The following SLC35F4 variants were observed in gnomAD, a reference collection of about 807,000 sequenced individuals.
SLC35F4 encodes solute carrier family 35 member F4, also known as chromosome 14 open reading frame 36.
Under a neutral mutation model 44.2 loss-of-function variants are expected in SLC35F4, and 24 were observed. That is an observed-to-expected ratio of 0.54 (90% CI 0.39 to 0.76). The LOEUF is 0.76. SLC35F4 is among the 30% of genes least tolerant of loss of function. The pLI, the probability that SLC35F4 is intolerant of heterozygous loss-of-function variation, is 0.00. For synonymous variants in SLC35F4, 238 were observed against 223.6 expected, an observed-to-expected ratio of 1.06 and a Z score of -0.57; for missense variants, 562 against 586.1, an observed-to-expected ratio of 0.96 and a Z score of 0.42.
intron 1 of SLC35F4, among the ~76,000 whole-genome samples, chr14:57,843,342 T>C (rs1168125606): frequency 1.3e-5 from 2 of 152,168 alleles, no homozygotes; most frequent in South Asian, 4.1e-4. Flanking sequence ...CTGAATATTG[T>C]CATTCCAGAG....
intron 1 of SLC35F4, among the ~76,000 whole-genome samples, chr14:57,770,635 G>A (rs2077341135): frequency 2.0e-5 from 3 of 152,296 alleles, no homozygotes; most frequent in Admixed American, 6.5e-5. Flanking sequence ...ACCCTGAACT[G>A]TGAAGGAGGG....
chr14:57,690,437 G>A (rs909540819), intron 1 of SLC35F4, among the ~76,000 whole-genome samples: 1 of 151,986 alleles, frequency 6.6e-6, no homozygotes, highest in Admixed American at 6.6e-5. Flanking sequence ...AGCAGATTTT[G>A]AGATTTTCAT....
intron 1 of SLC35F4, among the ~76,000 whole-genome samples, chr14:57,727,009 TC>T (rs2076220259): frequency 6.6e-6 from 1 of 152,088 alleles, no homozygotes; most frequent in Admixed American, 6.6e-5. Context: ...AACATCGGAC[TC>T]CAAGTTCTTC....
At chr14:57,819,730 T>C (rs1251268414) in intron 1 of SLC35F4, among the ~76,000 whole-genome samples, 1 of 151,578 alleles carries the variant, frequency 6.6e-6, no homozygotes, top group Non-Finnish European at 1.5e-5. Flanking sequence ...GGAGAATTGT[T>C]TGAACCTGGG....
intron 1 of SLC35F4, among the ~76,000 whole-genome samples, chr14:57,789,013 T>A (rs901464131): frequency 9.2e-5 from 14 of 152,206 alleles, no homozygotes; most frequent in Non-Finnish European, 1.8e-4. Flanking sequence ...GCTAAAGCAG[T>A]GTTTAGAGGG....
intron 1 of SLC35F4, among the ~76,000 whole-genome samples, chr14:57,693,339 C>T (rs1334971564): frequency 6.6e-6 from 1 of 152,210 alleles, no homozygotes; most frequent in Middle Eastern, 3.2e-3. Flanking sequence ...TGGCCATATA[C>T]AAAATCTCTA....
intron 1 of SLC35F4, among the ~76,000 whole-genome samples, chr14:57,678,457 TTAAC>T (rs2074774641): frequency 6.6e-6 from 1 of 151,914 alleles, no homozygotes; most frequent in African/African-American, 2.4e-5. Context: ...AGAAAATGCA[TTAAC>T]TAACAAGCAA....
At chr14:57,780,160 G>T (rs1396709191) in intron 1 of SLC35F4, among the ~76,000 whole-genome samples, 3 of 152,138 alleles carry the variant, frequency 2.0e-5, no homozygotes, top group African/African-American at 7.2e-5. Flanking sequence ...GTTTGCAGAT[G>T]ACATGATTCT....
intron 1 of SLC35F4, among the ~76,000 whole-genome samples, chr14:57,631,381 GA>G (rs1487513889): frequency 6.6e-6 from 1 of 152,054 alleles, no homozygotes. Context: ...ATTTTAAAGG[GA>G]AAATAATGTT....
chr14:57,945,985 C>T (rs1272762672), intron 1 of SLC35F4, among the ~76,000 whole-genome samples: 4 of 151,876 alleles, frequency 2.6e-5, no homozygotes, highest in Admixed American at 6.6e-5. Context: ...TTTTCTTTCT[C>T]GATGATTTGT....
chr14:57,633,652 C>T (rs1352104191), intron 1 of SLC35F4, among the ~76,000 whole-genome samples: 1 of 152,098 alleles, frequency 6.6e-6, no homozygotes, highest in Admixed American at 6.6e-5. Context: ...ACAGTTTCAT[C>T]ACCCCCAAAC....
upstream of SLC35F4, among the ~76,000 whole-genome samples, chr14:57,870,028 T>C (rs12435205): frequency 0.023 from 3,538 of 152,270 alleles, 432 homozygotes; most frequent in East Asian, 0.4. Flanking sequence ...AGGACTAATT[T>C]TGAGGCTCAA....
chr14:57,635,190 G>A (rs761491083), intron 1 of SLC35F4, among the ~76,000 whole-genome samples: 1 of 150,318 alleles, frequency 6.7e-6, no homozygotes, highest in Non-Finnish European at 1.5e-5. Flanking sequence ...AGGCTGCAGT[G>A]AGTTATGATC....
intron 1 of SLC35F4, among the ~76,000 whole-genome samples, chr14:57,685,818 C>T (rs1204214651): frequency 6.6e-6 from 1 of 152,162 alleles, no homozygotes; most frequent in Non-Finnish European, 1.5e-5. Context: ...CAAAATTTTA[C>T]TTATGAGCAG....
At chr14:57,671,506 A>G (rs2074521677) in intron 1 of SLC35F4, among the ~76,000 whole-genome samples, 1 of 152,044 alleles carries the variant, frequency 6.6e-6, no homozygotes, top group African/African-American at 2.4e-5. Context: ...ACTGACTTGA[A>G]GGGAAGACCC....
chr14:57,887,148 T>A (rs1888667846), intron 1 of SLC35F4, among the ~76,000 whole-genome samples: 1 of 152,180 alleles, frequency 6.6e-6, no homozygotes, highest in Non-Finnish European at 1.5e-5. Context: ...ACTAGCACTG[T>A]AGAGCAGGTT....
intron 1 of SLC35F4, among the ~76,000 whole-genome samples, chr14:57,935,292 T>C (rs951918130): frequency 6.6e-6 from 1 of 152,188 alleles, no homozygotes; most frequent in Non-Finnish European, 1.5e-5. Context: ...AAAGAATGAA[T>C]GAACAGAAAC....
At chr14:57,569,644 C>T in intron 6 of SLC35F4, 144 bp downstream of exon 6, 1 of 964,640 alleles carries the variant, frequency 1.0e-6, no homozygotes, top group Non-Finnish European at 1.5e-6. Flanking sequence ...AAAGAACCTT[C>T]TAAACATGAC....
chr14:57,680,209 C>A (rs1407577412), intron 1 of SLC35F4, among the ~76,000 whole-genome samples: 1 of 152,108 alleles, frequency 6.6e-6, no homozygotes. Context: ...GGATGCAAGT[C>A]TGGTTCTACA....
Sources: allele counts gnomAD v4.1 joint callset (sites outside exome capture counted in the v4.1 genomes callset), GRCh38; gene constraint gnomAD v4.1.1; transcripts MANE v1.5; gene names NCBI Gene and HGNC (gene_info 2026-07-23, HGNC 2026-07-21).